RIC3: variants seen among roughly 807,000 people sequenced by gnomAD.
RIC3 encodes protein RIC-3.
In RIC3, 28 loss-of-function variants were observed where a neutral mutation model predicts 27.3. That is an observed-to-expected ratio of 1.02 (90% CI 0.76 to 1.41). RIC3 has a LOEUF of 1.41. Ranked by LOEUF, RIC3 falls within the 40% of genes most tolerant of loss-of-function variation. The pLI, the probability that RIC3 is intolerant of heterozygous loss-of-function variation, is 0.00. For missense variants in RIC3, 501 were observed against 444.7 expected, an observed-to-expected ratio of 1.13 and a Z score of -1.14; for synonymous variants, 184 against 160.4, an observed-to-expected ratio of 1.15 and a Z score of -1.11.
At chr11:8,159,524 T>C (rs978647540) in intron 1 of RIC3, among the ~76,000 whole-genome samples, 14 of 151,626 alleles carry the variant, frequency 9.2e-5, no homozygotes, top group African/African-American at 3.4e-4. Flanking sequence ...TAGACTGAAG[T>C]GGGGAAGGAG....
intron 1 of RIC3, among the ~76,000 whole-genome samples, chr11:8,150,348 A>G (rs1043702265): frequency 6.6e-6 from 1 of 152,262 alleles, no homozygotes; most frequent in Non-Finnish European, 1.5e-5. Flanking sequence ...GCCATTTAAC[A>G]CTGAACAAAA....
chr11:8,139,907 G>C (rs751402021), intron 2 of RIC3, 60 bp downstream of exon 2: 15 of 1,440,042 alleles, frequency 1.0e-5, no homozygotes, highest in Admixed American at 1.9e-5. Flanking sequence ...TGTAGACAAT[G>C]ATTTTTATTG....
At chr11:8,096,334 A>G in the RIC3 span, among the ~76,000 whole-genome samples, 2 of 152,206 alleles carry the variant, frequency 1.3e-5, no homozygotes, top group African/African-American at 4.8e-5. Context: ...TCCCAGTTCA[A>G]GGTGAGCTCA....
At chr11:8,096,710 C>T in the RIC3 span, 22 of 1,612,638 alleles carry the variant, frequency 1.4e-5, 1 homozygote, top group African/African-American at 4.0e-5. Context: ...TGAGCTTTGA[C>T]GAGGATGAGG....
intron 2 of RIC3, chr11:8,139,115 G>A (rs376860646): frequency 6.6e-6 from 1 of 152,268 alleles, no homozygotes; most frequent in Admixed American, 6.5e-5. Context: ...CAGAGAACAA[G>A]CATTTCTAAC....
At position 8,110,524 on chromosome 11, in the gene RIC3, A is replaced by G; in HGVS notation, c.*174T>C. 2 of 699,692 alleles carry G rather than the reference A, an allele frequency of 2.9e-6. No homozygotes were observed. Among genetic ancestry groups the G allele is most frequent in the Non-Finnish European group, 5.2e-6 (2 of 386,986 alleles). 43.3% of individuals were successfully genotyped at this position (699,692 alleles called of 1,614,324 possible). A position where few individuals can be genotyped will look rare whatever the true frequency, so the allele number is the denominator to read the frequency against. Reference sequence around the variant, plus strand: ...GTTCACACTAATGTCCGTGTTTTACAAGGTGACAGGTGTGTGAGCACCAGG... The same window carrying G: ...GTTCACACTAATGTCCGTGTTTTACGAGGTGACAGGTGTGTGAGCACCAGG... On this transcript the variant is annotated 3_prime_UTR_variant, in exon 6 of 6. Coordinates refer to ENST00000309737, the MANE Select transcript of RIC3 (RefSeq NM_001206671.4).
the RIC3 span, chr11:8,095,467 G>C: frequency 2.5e-6 from 4 of 1,581,232 alleles, no homozygotes; most frequent in Admixed American, 3.4e-5. Flanking sequence ...CCTCCTCCTG[G>C]ATGTAACTCA....
chr11:8,141,931 A>C (rs1353689150), intron 1 of RIC3, among the ~76,000 whole-genome samples: 1 of 152,008 alleles, frequency 6.6e-6, no homozygotes, highest in Non-Finnish European at 1.5e-5. Flanking sequence ...TGACTACTGG[A>C]TACATAACGA....
chr11:8,126,119 T>C (rs1364318584), intron 5 of RIC3, among the ~76,000 whole-genome samples: 6 of 152,160 alleles, frequency 3.9e-5, no homozygotes, highest in Non-Finnish European at 5.9e-5. Context: ...GAAATACAAA[T>C]ATATGTTCAA....
chr11:8,132,594 C>T (rs1590189285), intron 4 of RIC3, among the ~76,000 whole-genome samples: 1 of 152,204 alleles, frequency 6.6e-6, no homozygotes, highest in Admixed American at 6.5e-5. Context: ...ACATCCCTCA[C>T]AAGTAAAAGC....
chr11:8,157,115 C>G (rs1950730255), intron 1 of RIC3, among the ~76,000 whole-genome samples: 1 of 152,152 alleles, frequency 6.6e-6, no homozygotes. Context: ...CAACATTAGA[C>G]AAGGCCATTC....
At chr11:8,098,849 C>G in the RIC3 span, 2 of 1,614,044 alleles carry the variant, frequency 1.2e-6, no homozygotes, top group East Asian at 2.2e-5. Context: ...TGGAACCTTA[C>G]GTCAGGAGCT....
At chr11:8,093,926 G>A in the RIC3 span, 2 of 1,151,836 alleles carry the variant, frequency 1.7e-6, no homozygotes, top group Non-Finnish European at 2.5e-6. Flanking sequence ...TGGTACAGGG[G>A]CCCTGGTGGG....
intron 1 of RIC3, among the ~76,000 whole-genome samples, chr11:8,152,998 T>C (rs1338117937): frequency 2.0e-5 from 3 of 152,256 alleles, no homozygotes; most frequent in Admixed American, 6.5e-5. Flanking sequence ...GAATAAAACA[T>C]GATGAGGTCC....
chr11:8,166,693 G>A (rs183750332), intron 1 of RIC3, among the ~76,000 whole-genome samples: 23 of 152,184 alleles, frequency 1.5e-4, no homozygotes, highest in Admixed American at 1.3e-3. Context: ...AATACAATGA[G>A]ACCCCCATCT....
At chr11:8,096,809 G>A in the RIC3 span, 1 of 1,613,968 alleles carries the variant, frequency 6.2e-7, no homozygotes, top group East Asian at 2.2e-5. Flanking sequence ...CCGTCAGGGT[G>A]AGTGAGTGAG....
At position 8,168,937 on chromosome 11, in the gene RIC3, G is replaced by A; in HGVS notation, c.53C>T (p.Ala18Val). The A allele has an allele frequency of 2.5e-6, 4 of 1,610,812 alleles. No homozygotes were observed. Among genetic ancestry groups the A allele is most frequent in the Non-Finnish European group, 3.4e-6 (4 of 1,178,616 alleles). ...GGCCTTGGGCAGCAGCAGCGACAGA[G>A]CCAGGACAAGCCCAGAAGCCAGAGC... ...RVALASGLVLALSLLLPKAFL... is the reference protein window; with the variant it reads ...RVALASGLVLVLSLLLPKAFL... Residue 18 changes from alanine to valine, a missense_variant, in exon 1 of 6, where the codon GCT (alanine) becomes GTT (valine). Physicochemically the swap from Ala to Val is moderately conservative, Grantham distance 64. Coordinates refer to ENST00000309737, the MANE Select transcript of RIC3 (RefSeq NM_001206671.4).
At chr11:8,134,191 T>C (rs1948085604) in intron 4 of RIC3, among the ~76,000 whole-genome samples, 1 of 152,158 alleles carries the variant, frequency 6.6e-6, no homozygotes, top group African/African-American at 2.4e-5. Context: ...TTCCCCTTCC[T>C]GTGTCCAAGT....
chr11:8,155,929 C>A (rs1389607638), intron 1 of RIC3, among the ~76,000 whole-genome samples: 1 of 152,172 alleles, frequency 6.6e-6, no homozygotes, highest in Non-Finnish European at 1.5e-5. Context: ...TTCTTCCTCA[C>A]CGGTCTCCTC....
Sources: gnomAD v4.1 joint callset for allele counts (sites outside exome capture counted in the v4.1 genomes callset) on GRCh38, gnomAD v4.1.1 for gene constraint, MANE v1.5 for transcripts, NCBI Gene and HGNC (gene_info 2026-07-23, HGNC 2026-07-21) for gene names.